The following XPR1 variants were observed in gnomAD, a reference collection of about 807,000 sequenced individuals.
The protein encoded by XPR1 is xenotropic and polytropic retrovirus receptor 1.
XPR1 carries 28 observed loss-of-function variants against 87.5 expected under a neutral mutation model. That is an observed-to-expected ratio of 0.32 (90% CI 0.24 to 0.44). The LOEUF (loss-of-function observed/expected upper bound fraction) is 0.44. Among genes scored for constraint, XPR1 ranks in the 20% least tolerant of loss-of-function variants. XPR1 has a pLI of 1.00. For missense variants in XPR1, 559 were observed against 862.3 expected (o/e 0.65, Z 4.41); for synonymous variants, 300 against 306.1 (o/e 0.98, Z 0.21).
chr1:180,677,345 A>C (rs1314192398), intron 1 of XPR1, among the ~76,000 whole-genome samples: 1 of 152,206 alleles, frequency 6.6e-6, no homozygotes, highest in Non-Finnish European at 1.5e-5. Context: ...AGTCTCCCTG[A>C]AAATTCGGGG....
chr1:180,842,295 T>C (rs568250449), intron 11 of XPR1, among the ~76,000 whole-genome samples: 9 of 152,110 alleles, frequency 5.9e-5, no homozygotes, highest in Non-Finnish European at 1.3e-4. Context: ...TGTTTCAGAG[T>C]GTCTCATGTT....
At chr1:180,680,284 C>T (rs1176657010) in intron 1 of XPR1, among the ~76,000 whole-genome samples, 4 of 148,866 alleles carry the variant, frequency 2.7e-5, no homozygotes, top group South Asian at 2.1e-4. Flanking sequence ...GTCTTATACT[C>T]GGTGGGAATG....
chr1:180,828,663 T>G (rs1189635971), intron 9 of XPR1, among the ~76,000 whole-genome samples: 1 of 152,188 alleles, frequency 6.6e-6, no homozygotes, highest in East Asian at 1.9e-4. Context: ...ATTTTAAAAA[T>G]AACCCACAAG....
chr1:180,763,064 T>C (rs1404381477), intron 2 of XPR1, among the ~76,000 whole-genome samples: 1 of 152,210 alleles, frequency 6.6e-6, no homozygotes, highest in African/African-American at 2.4e-5. Flanking sequence ...TGACAGCTGT[T>C]CATCCTCCAG....
In XPR1 at chr1:180,708,909, T is replaced by TGG. The variant is rs34223946; in HGVS notation, c.121+26510_121+26511dup. On this transcript the variant is annotated intron_variant, in intron 2 of 14. Transcript: ENST00000367590. ...AGCATGTAAAGTTTTTTTTTTTTTT[T>TGG]GGGGGGGGGGGGGCGGGGGCGGGGA... Among the ~76,000 whole-genome samples the TGG allele has an allele frequency of 1.5e-3, 35 of 23,738 alleles. 1 individual carries two copies. The highest frequency in any genetic ancestry group is 5.5e-3 in the South Asian group (3 of 550). The allele number at this position is 23,738 out of a possible 152,430, so 15.6% of individuals were successfully genotyped here.
intron 11 of XPR1, among the ~76,000 whole-genome samples, chr1:180,856,708 AT>A (rs2102198112): frequency 6.6e-6 from 1 of 152,258 alleles, no homozygotes; most frequent in East Asian, 1.9e-4. Flanking sequence ...AGTCCTGCCA[AT>A]TTTAGTTCCC....
intron 3 of XPR1, among the ~76,000 whole-genome samples, chr1:180,798,180 A>T (rs1159587278): frequency 6.6e-6 from 1 of 152,152 alleles, no homozygotes; most frequent in Non-Finnish European, 1.5e-5. Flanking sequence ...ATCTAATATG[A>T]TTAAAAATGT....
intron 2 of XPR1, chr1:180,758,802 A>T (rs1439389196): frequency 1.3e-5 from 2 of 151,872 alleles, no homozygotes; most frequent in Non-Finnish European, 2.9e-5. Flanking sequence ...AAATTCGTGA[A>T]GCGTTCCATT....
intron 1 of XPR1, among the ~76,000 whole-genome samples, chr1:180,653,053 G>A (rs1361434253): frequency 6.6e-6 from 1 of 152,176 alleles, no homozygotes. Context: ...TTGGACCTCT[G>A]CTTAGGACTG....
intron 2 of XPR1, among the ~76,000 whole-genome samples, chr1:180,705,826 A>G (rs1176465772): frequency 6.6e-6 from 1 of 152,230 alleles, no homozygotes; most frequent in Non-Finnish European, 1.5e-5. Flanking sequence ...AAGTAACACA[A>G]TATATTAGGT....
chr1:180,806,475 C>A lies in XPR1; in HGVS notation c.599C>A (p.Ala200Asp). The A allele has an allele frequency of 6.2e-7, 1 of 1,613,050 alleles. No homozygotes were observed. The highest frequency in any genetic ancestry group is 8.5e-7 in the Non-Finnish European group (1 of 1,179,344). Reference sequence around the variant, plus strand: ...AAATGTAATAATTTGTCTTTCTAGGCTGTAGTGACCAATGAACTTGAAGAT... The same window carrying A: ...AAATGTAATAATTTGTCTTTCTAGGATGTAGTGACCAATGAACTTGAAGAT... ...KINQLISETEAVVTNELEDGD... is the reference protein window; with the variant it reads ...KINQLISETEDVVTNELEDGD... The change falls in exon 6 of 15, where the codon GCT becomes GAT. Residue 200 changes from alanine to aspartate, a missense_variant and splice_region_variant. By Grantham distance (126) the Ala-to-Asp change is moderately radical. Around this residue, in one of 7 missense-constraint regions of XPR1, gnomAD observed 159 missense variants for 263.3 expected, o/e 0.60. Transcript: ENST00000367590.
intron 3 of XPR1, among the ~76,000 whole-genome samples, chr1:180,790,071 A>C (rs1649317331): frequency 6.6e-6 from 1 of 152,172 alleles, no homozygotes; most frequent in South Asian, 2.1e-4. Flanking sequence ...ACAAATAAAA[A>C]TAAAGGCCAT....
intron 11 of XPR1, among the ~76,000 whole-genome samples, chr1:180,839,116 A>G (rs561692208): frequency 6.6e-6 from 1 of 152,334 alleles, no homozygotes; most frequent in African/African-American, 2.4e-5. Flanking sequence ...AGTATCCCAC[A>G]GTTTTATGAG....
intron 1 of XPR1, among the ~76,000 whole-genome samples, chr1:180,655,654 T>C (rs936473965): frequency 1.3e-5 from 2 of 152,168 alleles, no homozygotes; most frequent in South Asian, 4.1e-4. Flanking sequence ...GCCTTTGGTG[T>C]CTTATGCTAG....
intron 1 of XPR1, among the ~76,000 whole-genome samples, chr1:180,673,265 A>C (rs1276655040): frequency 6.6e-6 from 1 of 152,174 alleles, no homozygotes; most frequent in South Asian, 2.1e-4. Flanking sequence ...GTTAACTTTT[A>C]AGTATACCCT....
intron 11 of XPR1, among the ~76,000 whole-genome samples, chr1:180,846,267 A>G (rs1651678226): frequency 6.6e-6 from 1 of 151,584 alleles, no homozygotes; most frequent in Non-Finnish European, 1.5e-5. Context: ...ATCTCAAAAA[A>G]AAAAAAAAAA....
At chr1:180,805,763 A>T (rs1342278781) in intron 4 of XPR1, among the ~76,000 whole-genome samples, 1 of 152,250 alleles carries the variant, frequency 6.6e-6, no homozygotes, top group Admixed American at 6.5e-5. Flanking sequence ...ATACATAGAA[A>T]ACAGGAAACA....
chr1:180,684,529 G>C (rs566361827), intron 2 of XPR1, among the ~76,000 whole-genome samples: 6 of 151,966 alleles, frequency 3.9e-5, no homozygotes, highest in African/African-American at 1.5e-4. Context: ...GTGAAGAAAG[G>C]CATTGGTAGC....
chr1:180,876,164 C>T (rs1652655802), intron 13 of XPR1, among the ~76,000 whole-genome samples: 1 of 152,138 alleles, frequency 6.6e-6, no homozygotes, highest in South Asian at 2.1e-4. Flanking sequence ...CTAGTTTGTT[C>T]TCTGCAGCCA....
Sources: allele counts gnomAD v4.1 joint callset (sites outside exome capture counted in the v4.1 genomes callset), GRCh38; gene constraint gnomAD v4.1.1; regional missense constraint gnomAD v4.1.1; transcripts MANE v1.5; gene names NCBI Gene and HGNC (gene_info 2026-07-23, HGNC 2026-07-21).